Variants in PTK2 observed in about 807,000 individuals in gnomAD.
PTK2 encodes focal adhesion kinase 1.
In PTK2, 45 loss-of-function variants were observed where a neutral mutation model predicts 150.1. That is an observed-to-expected ratio of 0.30 (90% CI 0.24 to 0.38). The LOEUF is 0.38. Ranked by LOEUF, PTK2 falls within the 10% of genes least tolerant of loss-of-function variation. The pLI is 1.00. For synonymous variants in PTK2, 432 were observed against 449.2 expected (o/e 0.96, Z 0.48); for missense variants, 919 against 1,307.3 (o/e 0.70, Z 4.58).
intron 2 of PTK2, among the ~76,000 whole-genome samples, chr8:140,913,217 G>A (rs2100163897): frequency 6.6e-6 from 1 of 151,932 alleles, no homozygotes; most frequent in Non-Finnish European, 1.5e-5. Flanking sequence ...GAACTAATAA[G>A]CGAATTTATA....
exon 32 of PTK2, chr8:140,659,174 G>T: frequency 2.4e-6 from 1 of 421,326 alleles, no homozygotes; most frequent in Non-Finnish European, 4.3e-6. Context: ...AACATAAATT[G>T]TTCTTCATGA....
chr8:140,708,582 G>A (rs746667697), intron 23 of PTK2, among the ~76,000 whole-genome samples: 2 of 152,022 alleles, frequency 1.3e-5, no homozygotes, highest in East Asian at 1.9e-4. Context: ...ACCCTGTCAC[G>A]TTTCAAACAG....
intron 1 of PTK2, among the ~76,000 whole-genome samples, chr8:140,962,824 T>A (rs895810489): frequency 6.6e-6 from 1 of 150,494 alleles, no homozygotes; most frequent in African/African-American, 2.4e-5. Flanking sequence ...CCAGCATTAG[T>A]GACACTCCTC....
In PTK2 at chr8:140,708,264, G is replaced by A. The variant is rs181164753; in HGVS notation, c.2143-2059C>T. On this transcript the variant is annotated intron_variant, in intron 23 of 31. Coordinates refer to ENST00000522684, the Ensembl canonical transcript of PTK2. ...CACGTGCTTTGCTCTAGTTAGGTCC[G>A]GAGTATGTTTTGGTCTCTAAAATCT... 1.1e-4 allele frequency among the ~76,000 whole-genome samples: 16 copies of A among 152,230 alleles called. No homozygotes were observed. The East Asian group carries it at 2.5e-3, about 24-fold the overall frequency.
Position 140,693,570 on chromosome 8 carries a change from A to T in PTK2, c.2500-6876T>A, listed in dbSNP as rs1408083873. Among the ~76,000 whole-genome samples the T allele has an allele frequency of 5.3e-4, 23 of 43,266 alleles. 2 individuals carry two copies. The highest frequency in any genetic ancestry group is 1.3e-3 in the African/African-American group (20 of 15,506). 28.4% of individuals were successfully genotyped at this position (43,266 alleles called of 152,430 possible). On this transcript the variant is annotated intron_variant, in intron 26 of 31. Transcript: ENST00000522684. Reference sequence around the variant, plus strand: ...AGTGAGACTTTGTCTCAATTAAAAAAAAAAAAAAAAAAAAAAAAAAAAAAA... The same window carrying T: ...AGTGAGACTTTGTCTCAATTAAAAATAAAAAAAAAAAAAAAAAAAAAAAAA...
chr8:140,864,357 GT>G lies in PTK2; in HGVS notation c.404del (p.Asn135ThrfsTer10). 6.2e-7 allele frequency: 1 copy of G among 1,600,432 alleles called. No individual in the cohort carries two copies. The highest frequency in any genetic ancestry group is 8.5e-7 in the Non-Finnish European group (1 of 1,172,748). On this transcript the variant is annotated frameshift_variant, in exon 5 of 32. Transcript: ENST00000522684. LOFTEE classifies it high-confidence loss of function. ...AAGTTGGCTTATCTTCAGTAAACTG[GT>G]TTAGAAATCCTTTTGGCAAATAACG...
intron 2 of PTK2, among the ~76,000 whole-genome samples, chr8:140,919,721 C>T (rs2100166689): frequency 6.6e-6 from 1 of 152,066 alleles, no homozygotes; most frequent in African/African-American, 2.4e-5. Context: ...TAAAAAGTTC[C>T]CATTCCCAAA....
At chr8:140,760,465 A>G (rs1385067471) in intron 16 of PTK2, among the ~76,000 whole-genome samples, 1 of 152,214 alleles carries the variant, frequency 6.6e-6, no homozygotes, top group Non-Finnish European at 1.5e-5. Context: ...TGCTAAGCAG[A>G]AGCTGATAAT....
chr8:140,690,475 T>C (rs762247092), intron 26 of PTK2, among the ~76,000 whole-genome samples: 2 of 152,160 alleles, frequency 1.3e-5, no homozygotes, highest in African/African-American at 2.4e-5. Flanking sequence ...CAACTTACGA[T>C]GTGGTCATTT....
intron 1 of PTK2, among the ~76,000 whole-genome samples, chr8:140,991,295 A>C (rs1001352455): frequency 1.3e-5 from 2 of 152,168 alleles, no homozygotes; most frequent in African/African-American, 4.8e-5. Flanking sequence ...TTTCAGCACC[A>C]AAACAAAACC....
chr8:140,920,185 A>G (rs2100166881), intron 2 of PTK2, among the ~76,000 whole-genome samples: 1 of 152,100 alleles, frequency 6.6e-6, no homozygotes, highest in Non-Finnish European at 1.5e-5. Flanking sequence ...AAAACAGCTG[A>G]TTTGCTTTTA....
intron 5 of PTK2, among the ~76,000 whole-genome samples, chr8:140,849,637 A>C (rs1052117529): frequency 6.6e-6 from 1 of 152,248 alleles, no homozygotes; most frequent in African/African-American, 2.4e-5. Context: ...CCTCAGAAAA[A>C]GCCTAAAAGA....
intron 28 of PTK2, 62 bp from the exon 32 acceptor site, chr8:140,674,466 G>T: frequency 7.0e-7 from 1 of 1,429,962 alleles, no homozygotes; most frequent in Non-Finnish European, 9.6e-7. Context: ...GAGGCTGGGG[G>T]CAGTGGCTCA....
chr8:140,704,879 AG>A (rs2100032788), intron 24 of PTK2, among the ~76,000 whole-genome samples: 1 of 152,138 alleles, frequency 6.6e-6, no homozygotes, highest in South Asian at 2.1e-4. Context: ...TCATATTCCC[AG>A]TCCCTAGAAT....
intron 30 of PTK2, among the ~76,000 whole-genome samples, chr8:140,667,306 G>C (rs901211857): frequency 6.6e-6 from 1 of 152,148 alleles, no homozygotes; most frequent in Non-Finnish European, 1.5e-5. Flanking sequence ...AAGTATGTTC[G>C]AGTATGTTTC....
At chr8:140,890,807 T>C (rs1305927572) in intron 2 of PTK2, 38 bp from the exon 3 acceptor site, 3 of 1,531,526 alleles carry the variant, frequency 2.0e-6, no homozygotes, top group African/African-American at 2.7e-5. Flanking sequence ...TGTATAATAC[T>C]TGAAATCTAC....
At chr8:140,938,978 A>C (rs2100174697) in intron 1 of PTK2, among the ~76,000 whole-genome samples, 1 of 127,662 alleles carries the variant, frequency 7.8e-6, no homozygotes, top group Non-Finnish European at 1.9e-5. Context: ...CCCCATTCTC[A>C]GTATTTTTTT....
chr8:140,711,703 T>G (rs2100036975), intron 23 of PTK2, among the ~76,000 whole-genome samples: 1 of 152,198 alleles, frequency 6.6e-6, no homozygotes, highest in Non-Finnish European at 1.5e-5. Flanking sequence ...GGGGTCTGCT[T>G]TGTCACTGCT....
At chr8:140,702,260 C>T (rs2100031037) in intron 25 of PTK2, among the ~76,000 whole-genome samples, 1 of 137,978 alleles carries the variant, frequency 7.2e-6, no homozygotes. Flanking sequence ...TGCTCTGTTG[C>T]CCAGGCTGGA....
Sources: gnomAD v4.1 joint callset for allele counts (sites outside exome capture counted in the v4.1 genomes callset) on GRCh38, gnomAD v4.1.1 for gene constraint, MANE v1.5 for transcripts, NCBI Gene and HGNC (gene_info 2026-07-23, HGNC 2026-07-21) for gene names.